TG: variants seen among roughly 807,000 people sequenced by gnomAD.
TG encodes the protein thyroid hormones.
Under a neutral mutation model 324.7 loss-of-function variants are expected in TG, and 270 were observed. The observed-to-expected ratio is 0.83, with a 90% CI of 0.75 to 0.92. TG has a LOEUF of 0.92. Among genes scored for constraint, TG ranks in the 40% least tolerant of loss-of-function variants. The probability of loss-of-function intolerance (pLI) is 0.00; values close to 1 mark genes in which losing one functional copy is unlikely to be tolerated. For missense variants in TG, 3,591 were observed against 3,456.4 expected, an observed-to-expected ratio of 1.04 and a Z score of -0.98; for synonymous variants, 1,401 against 1,327.0, an observed-to-expected ratio of 1.06 and a Z score of -1.21.
chr8:132,994,358 G>A lies in TG; in HGVS notation c.6262+10946G>A, dbSNP rs577081210. 2.6e-5 allele frequency among the ~76,000 whole-genome samples: 4 copies of A among 152,188 alleles called. No individual in the cohort carries two copies. The East Asian group carries it at 5.8e-4, about 22-fold the overall frequency. On this transcript the variant is annotated intron_variant, in intron 35 of 47. Coordinates refer to ENST00000220616, the MANE Select transcript of TG (RefSeq NM_003235.5). ...TCACAGTTTAACAAGTGGGTAAACC[G>A]GTTCTATTCTGAGAGCAGAGATTCA...
chr8:132,953,340 A>T (rs932465603), intron 27 of TG, among the ~76,000 whole-genome samples: 1 of 152,098 alleles, frequency 6.6e-6, no homozygotes, highest in Non-Finnish European at 1.5e-5. Flanking sequence ...GGGTGAGGTG[A>T]CCTGGCCAAG....
At chr8:133,133,812 G>T in intron 47 of TG, 152 bp downstream of exon 47, 1 of 901,070 alleles carries the variant, frequency 1.1e-6, no homozygotes, top group East Asian at 2.6e-5. Context: ...TTCATGGTCT[G>T]GGGAGCTCCA....
At chr8:133,102,281 T>A in intron 43 of TG, 1 of 394,160 alleles carries the variant, frequency 2.5e-6, no homozygotes, top group Non-Finnish European at 4.6e-6. Flanking sequence ...ATGCCAACGC[T>A]GCATAAGTAT....
rs1286109950 is a variant in TG, at chr8:132,887,680, A to G, written c.2176+132A>G. On this transcript the variant is annotated intron_variant, in intron 9 of 47. Transcript: ENST00000220616. Reference sequence around the variant, plus strand: ...CAGTTAAGGACAAAATTGACTGCTTATATTAAAAATTATCCAGGAATGCCT... The same window carrying G: ...CAGTTAAGGACAAAATTGACTGCTTGTATTAAAAATTATCCAGGAATGCCT... 4 of 1,236,276 alleles carry G rather than the reference A, an allele frequency of 3.2e-6. No homozygotes were observed. The Admixed American group carries it at 5.6e-5, about 17-fold the overall frequency. The allele number at this position is 1,236,276 out of a possible 1,614,324, so 76.6% of individuals were successfully genotyped here.
At chr8:132,876,211 A>T (rs1474287449) in intron 5 of TG, among the ~76,000 whole-genome samples, 1 of 152,116 alleles carries the variant, frequency 6.6e-6, no homozygotes, top group Non-Finnish European at 1.5e-5. Context: ...GACGACGTTG[A>T]CATGGAGCAA....
At chr8:133,111,661 G>A (rs969288101) in intron 43 of TG, among the ~76,000 whole-genome samples, 7 of 152,292 alleles carry the variant, frequency 4.6e-5, no homozygotes, top group African/African-American at 1.2e-4. Flanking sequence ...AACATTATTC[G>A]TGAGTGCTAT....
chr8:132,960,585 A>G (rs1249207768), intron 27 of TG, among the ~76,000 whole-genome samples: 1 of 152,218 alleles, frequency 6.6e-6, no homozygotes, highest in Non-Finnish European at 1.5e-5. Flanking sequence ...ACTGCAGAGG[A>G]TAGTTTATAC....
At chr8:132,958,803 A>T (rs1173322537) in intron 27 of TG, among the ~76,000 whole-genome samples, 1 of 152,216 alleles carries the variant, frequency 6.6e-6, no homozygotes, top group African/African-American at 2.4e-5. Context: ...AAATGATGAT[A>T]TCATGAGGAG....
Position 133,074,640 on chromosome 8 carries a change from C to A in TG, c.7240-20404C>A, listed in dbSNP as rs557852103. Among the ~76,000 whole-genome samples the A allele has an allele frequency of 3.3e-5, 5 of 152,354 alleles. No individual in the cohort carries two copies. In the East Asian group the frequency reaches 9.6e-4, roughly 29 times the overall value. ...CAGCATCCTGCCCCTGCTCCTCCAG[C>A]CCTTCTCTCCACAGAATTATGCATC... On this transcript the variant is annotated intron_variant, in intron 41 of 47. Coordinates refer to ENST00000220616, the MANE Select transcript of TG (RefSeq NM_003235.5).
chr8:132,981,694 A>T (rs1021748203), intron 34 of TG, among the ~76,000 whole-genome samples: 1 of 152,220 alleles, frequency 6.6e-6, no homozygotes, highest in South Asian at 2.1e-4. Flanking sequence ...CTCAGATCCC[A>T]TCCCAGACCT....
At chr8:133,085,734 A>T (rs1305334840) in intron 41 of TG, among the ~76,000 whole-genome samples, 2 of 152,262 alleles carry the variant, frequency 1.3e-5, no homozygotes, top group East Asian at 1.9e-4. Context: ...ATTACTGAAG[A>T]TATGAAGAAG....
chr8:132,896,757 G>C (rs1332819665), intron 11 of TG, among the ~76,000 whole-genome samples: 2 of 152,128 alleles, frequency 1.3e-5, no homozygotes, highest in Admixed American at 6.5e-5. Context: ...CTATGAGCCA[G>C]ACACTCCTCT....
At chr8:133,106,701 G>A (rs770019090) in intron 43 of TG, among the ~76,000 whole-genome samples, 6 of 152,070 alleles carry the variant, frequency 3.9e-5, no homozygotes, top group Middle Eastern at 3.2e-3. Context: ...CAGCACCCCC[G>A]TCCCCTTTCC....
intron 20 of TG, among the ~76,000 whole-genome samples, chr8:132,916,737 G>T (rs1473413920): frequency 2.6e-5 from 4 of 152,194 alleles, no homozygotes; most frequent in Non-Finnish European, 5.9e-5. Context: ...TTGCCTCAAG[G>T]CCAGCCATAT....
rs573593314 is a variant in TG, at chr8:133,087,593, A to G, written c.7240-7451A>G. On this transcript the variant is annotated intron_variant, in intron 41 of 47. Transcript: ENST00000220616. ...AAGGATCAGTCATATTTTAGTGTGG[A>G]ATTCATCTTTTAAATGTAATTTAAA... 3 of 152,364 alleles carry G rather than the reference A, an allele frequency of 2.0e-5. No homozygotes were observed. In the East Asian group the frequency reaches 5.8e-4, roughly 29 times the overall value. 9.4% of individuals were successfully genotyped at this position (152,364 alleles called of 1,614,324 possible).
chr8:133,045,429 C>G (rs1839172290), intron 41 of TG, among the ~76,000 whole-genome samples: 1 of 111,978 alleles, frequency 8.9e-6, no homozygotes, highest in Non-Finnish European at 1.6e-5. Context: ...GGGTCTTGCT[C>G]TGTCACCCAG....
In TG at chr8:133,029,231, TAA is replaced by T. The variant is rs371401509; in HGVS notation, c.7037-580_7037-579del. ...TTGTTTGTATCTAGATCATTTTATT[TAA>T]AAAAAAAAATAGTGTTGAGTTTTCA... is the stretch of plus-strand genomic sequence containing the variant. On this transcript the variant is annotated intron_variant, in intron 40 of 47. Transcript: ENST00000220616. 2.1e-5 allele frequency among the ~76,000 whole-genome samples: 3 copies of T among 140,926 alleles called. 1 individual carries two copies. In the South Asian group the frequency reaches 6.5e-4, roughly 30 times the overall value. 92.5% of individuals were successfully genotyped at this position (140,926 alleles called of 152,430 possible). A position where few individuals can be genotyped will look rare whatever the true frequency, so the allele number is the denominator to read the frequency against.
intron 36 of TG, among the ~76,000 whole-genome samples, chr8:133,013,139 G>T (rs1292366268): frequency 1.7e-4 from 26 of 152,228 alleles, no homozygotes; most frequent in Non-Finnish European, 8.8e-5. Flanking sequence ...AAACAAAAAA[G>T]ACCTTAATGC....
chr8:133,071,541 A>G (rs890659972), intron 41 of TG, among the ~76,000 whole-genome samples: 2 of 152,128 alleles, frequency 1.3e-5, no homozygotes, highest in East Asian at 3.9e-4. Flanking sequence ...GAGCGGTGCA[A>G]TGAGAGGTGG....
Sources: gnomAD v4.1 joint callset for allele counts (sites outside exome capture counted in the v4.1 genomes callset) on GRCh38, gnomAD v4.1.1 for gene constraint, MANE v1.5 for transcripts, NCBI Gene and HGNC (gene_info 2026-07-23, HGNC 2026-07-21) for gene names.